SEMA4F: variants seen among roughly 807,000 people sequenced by gnomAD.
The protein encoded by SEMA4F is semaphorin-4F.
In SEMA4F, 51 loss-of-function variants were observed where a neutral mutation model predicts 78.4. The observed-to-expected ratio is 0.65, with a 90% CI of 0.52 to 0.82. SEMA4F has a LOEUF of 0.82. Among genes scored for constraint, SEMA4F ranks in the 40% least tolerant of loss-of-function variants. The pLI, the probability that SEMA4F is intolerant of heterozygous loss-of-function variation, is 0.00. For missense variants in SEMA4F, 938 were observed against 1,014.4 expected, an observed-to-expected ratio of 0.92 and a Z score of 1.02; for synonymous variants, 418 against 408.7, an observed-to-expected ratio of 1.02 and a Z score of -0.27.
chr2:74,694,368 C>T, the SEMA4F span, among the ~76,000 whole-genome samples: 69 of 152,190 alleles, frequency 4.5e-4, 1 homozygote, highest in African/African-American at 1.4e-3. Flanking sequence ...TATATTATTT[C>T]GAACTCTCAT....
chr2:74,685,715 C>T (rs1015987488), downstream of SEMA4F, among the ~76,000 whole-genome samples: 2 of 152,104 alleles, frequency 1.3e-5, no homozygotes, highest in African/African-American at 2.4e-5. Flanking sequence ...AAATAAAAAC[C>T]ACAATTACTG....
the SEMA4F span, among the ~76,000 whole-genome samples, chr2:74,689,604 T>C: frequency 2.6e-5 from 4 of 152,088 alleles, no homozygotes; most frequent in Admixed American, 2.6e-4. Flanking sequence ...GGGAAAAAAA[T>C]CAATTATTCA....
At chr2:74,665,391 G>A (rs753548356) in intron 5 of SEMA4F, among the ~76,000 whole-genome samples, 10 of 151,524 alleles carry the variant, frequency 6.6e-5, no homozygotes, top group African/African-American at 1.9e-4. Flanking sequence ...CACCATGCCC[G>A]GCTAATTTTT....
At chr2:74,707,834 T>C in the SEMA4F span, among the ~76,000 whole-genome samples, 1 of 151,990 alleles carries the variant, frequency 6.6e-6, no homozygotes, top group Non-Finnish European at 1.5e-5. Flanking sequence ...CAACTAGAGT[T>C]TGCAGGATAG....
chr2:74,678,936 AG>A (rs1357931382), intron 12 of SEMA4F, among the ~76,000 whole-genome samples: 2 of 151,980 alleles, frequency 1.3e-5, no homozygotes, highest in African/African-American at 4.8e-5. Context: ...TTTTTCCTAG[AG>A]AAATCTTGTG....
intron 5 of SEMA4F, among the ~76,000 whole-genome samples, chr2:74,664,406 T>G (rs1275155100): frequency 1.3e-5 from 2 of 151,490 alleles, no homozygotes; most frequent in East Asian, 3.8e-4. Context: ...TCAAAGATTT[T>G]GCTAGTATCC....
At chr2:74,673,905 CTCTG>C (rs1338873212) in intron 7 of SEMA4F, 77 bp downstream of exon 7, 5 of 1,498,494 alleles carry the variant, frequency 3.3e-6, no homozygotes, top group Non-Finnish European at 4.5e-6. Context: ...CTCTTTGGGT[CTCTG>C]TCTTTGAATC....
chr2:74,656,614 A>G lies in SEMA4F; in HGVS notation c.226A>G (p.Thr76Ala), dbSNP rs1203491446. 1.2e-6 allele frequency: 2 copies of G among 1,614,132 alleles called. No homozygotes were observed. The highest frequency in any genetic ancestry group is 3.3e-5 in the Admixed American group (2 of 60,024). ...TCTCCTTGTGGATCCTGCCTCCCACACACTTTATGTTGGCGCCCGGGACAC... is the reference window on the plus strand; with the variant it reads ...TCTCCTTGTGGATCCTGCCTCCCACGCACTTTATGTTGGCGCCCGGGACAC... ...SVLLVDPASH[T>A]LYVGARDTIF... Residue 76 changes from threonine to alanine, a missense_variant, in exon 2 of 14, where the codon ACA (threonine) becomes GCA (alanine). Thr to Ala is a moderately conservative substitution (Grantham distance 58, BLOSUM62 0). Transcript: ENST00000357877.
intron 10 of SEMA4F, 60 bp downstream of exon 10, chr2:74,675,444 G>A: frequency 1.3e-6 from 2 of 1,591,518 alleles, no homozygotes; most frequent in Non-Finnish European, 1.7e-6. Context: ...GTCACAGAGA[G>A]GGTACTGTAA....
chr2:74,702,293 A>G, the SEMA4F span, among the ~76,000 whole-genome samples: 6 of 152,114 alleles, frequency 3.9e-5, no homozygotes, highest in African/African-American at 1.4e-4. Flanking sequence ...AAGATGACCA[A>G]AACTTAACTC....
chr2:74,680,066 G>A lies in SEMA4F; in HGVS notation c.2170G>A (p.Glu724Lys), dbSNP rs1368102331. 5.6e-6 allele frequency: 9 copies of A among 1,614,112 alleles called. No homozygotes were observed. The highest frequency in any genetic ancestry group is 7.6e-6 in the Non-Finnish European group (9 of 1,179,956). ...QDPPSPSPEDERLPLALAKRG... is the reference protein window; with the variant it reads ...QDPPSPSPEDKRLPLALAKRG... ...CCCTCCCTCCCCCTCTCCTGAAGATGAGCGGTTGCCGCTGGCCCTGGCCAA... is the reference window on the plus strand; with the variant it reads ...CCCTCCCTCCCCCTCTCCTGAAGATAAGCGGTTGCCGCTGGCCCTGGCCAA... The change falls in exon 14 of 14, where the codon GAG becomes AAG. Residue 724 changes from glutamate (E) to lysine (K), a missense_variant. Glu to Lys is a moderately conservative substitution (Grantham distance 56, BLOSUM62 1). Transcript: ENST00000357877.
chr2:74,660,613 C>T (rs1684377419), intron 4 of SEMA4F, among the ~76,000 whole-genome samples: 1 of 152,218 alleles, frequency 6.6e-6, no homozygotes, highest in African/African-American at 2.4e-5. Flanking sequence ...TCTCAACATT[C>T]AGATAGATAA....
intron 7 of SEMA4F, 65 bp downstream of exon 7, chr2:74,673,893 T>C (rs1459783850): frequency 9.1e-6 from 14 of 1,536,210 alleles, no homozygotes; most frequent in Non-Finnish European, 1.1e-5. Flanking sequence ...TCTTATCTTT[T>C]CCTCTTTGGG....
chr2:74,695,700 AAAAGCCTCTGAAT>A, the SEMA4F span, among the ~76,000 whole-genome samples: 1 of 152,270 alleles, frequency 6.6e-6, no homozygotes, highest in South Asian at 2.1e-4. Context: ...GTGCAAATTT[AAAAGCCTCTGAAT>A]AAAGCCTAAG....
chr2:74,680,053 C>G lies in SEMA4F; in HGVS notation c.2157C>G (p.Pro719=), dbSNP rs192916728. The stretch of plus-strand genomic sequence containing the variant: ...GCTACAGCCAAGACCCTCCCTCCCC[C>G]TCTCCTGAAGATGAGCGGTTGCCGC... ...TTSYSQDPPS[P]SPEDERLPLA... The change falls in exon 14 of 14, where the codon CCC becomes CCG. Residue 719 remains proline, a synonymous_variant. Transcript: ENST00000357877. 1,119 of 1,614,148 alleles carry G rather than the reference C, an allele frequency of 6.9e-4. 5 individuals carry two copies. In the East Asian group the frequency reaches 0.01, roughly 15 times the overall value.
At chr2:74,685,466 T>C (rs531849363), downstream of SEMA4F, among the ~76,000 whole-genome samples, 1 of 152,136 alleles carries the variant, frequency 6.6e-6, no homozygotes, top group East Asian at 1.9e-4. Context: ...ATGGTTGCCA[T>C]CTTTCCTTCA....
chr2:74,675,169 C>A lies in SEMA4F; in HGVS notation c.1157C>A (p.Thr386Asn). 2 of 1,614,166 alleles carry A rather than the reference C, an allele frequency of 1.2e-6. No individual in the cohort carries two copies. The highest frequency in any genetic ancestry group is 1.7e-6 in the Non-Finnish European group (2 of 1,180,016). Residue 386 changes from threonine to asparagine, a missense_variant, in exon 10 of 14, where the codon ACC becomes AAC. Physicochemically the swap from Thr to Asn is moderately conservative, Grantham distance 65. Coordinates refer to ENST00000357877, the MANE Select transcript of SEMA4F (RefSeq NM_004263.5). The stretch of plus-strand genomic sequence containing the variant: ...GCCCTGTATTTCCTCTAGTGCATCA[C>A]CAACAACATGAAGCTCCGGCACTTT... ...VPQPRPGECI[T>N]NNMKLRHFGS...
intron 5 of SEMA4F, among the ~76,000 whole-genome samples, chr2:74,672,467 G>A (rs539014050): frequency 3.9e-5 from 6 of 152,210 alleles, no homozygotes; most frequent in Admixed American, 2.6e-4. Flanking sequence ...CTTAGCACCC[G>A]GCACAGTTGT....
At chr2:74,666,614 A>ATC (rs1684712745) in intron 5 of SEMA4F, among the ~76,000 whole-genome samples, 1 of 152,212 alleles carries the variant, frequency 6.6e-6, no homozygotes, top group Non-Finnish European at 1.5e-5. Context: ...CAGGGTTATA[A>ATC]TTTAAAAGTT....
Sources: gnomAD v4.1 joint callset for allele counts (sites outside exome capture counted in the v4.1 genomes callset) on GRCh38, gnomAD v4.1.1 for gene constraint, MANE v1.5 for transcripts, NCBI Gene and HGNC (gene_info 2026-07-23, HGNC 2026-07-21) for gene names.